The following CCSER1 variants were observed in gnomAD, a reference collection of about 807,000 sequenced individuals.
The protein encoded by CCSER1 is serine-rich coiled-coil domain-containing protein 1.
In CCSER1, 41 loss-of-function variants were observed where a neutral mutation model predicts 82.0. The observed-to-expected ratio is 0.50, with a 90% confidence interval of 0.39 to 0.65. The LOEUF is 0.65. CCSER1 is among the 30% of genes least tolerant of loss of function. The pLI, the probability that CCSER1 is intolerant of heterozygous loss-of-function variation, is 0.00. For synonymous variants in CCSER1, 414 were observed against 383.9 expected, an observed-to-expected ratio of 1.08 and a Z score of -0.92; for missense variants, 1,119 against 1,064.2, an observed-to-expected ratio of 1.05 and a Z score of -0.72.
chr4:90,543,843 T>C (rs1361253084), intron 5 of CCSER1, among the ~76,000 whole-genome samples: 2 of 152,118 alleles, frequency 1.3e-5, no homozygotes, highest in African/African-American at 4.8e-5. Context: ...GAAGACATGG[T>C]GAATAATTGG....
chr4:90,926,094 T>C (rs926120123), intron 9 of CCSER1, among the ~76,000 whole-genome samples: 1 of 152,052 alleles, frequency 6.6e-6, no homozygotes, highest in Non-Finnish European at 1.5e-5. Flanking sequence ...CAATATTTAT[T>C]TGTAAATATT....
At chr4:90,764,411 G>A (rs760966480) in intron 7 of CCSER1, among the ~76,000 whole-genome samples, 15 of 151,992 alleles carry the variant, frequency 9.9e-5, no homozygotes, top group East Asian at 5.8e-4. Flanking sequence ...TATAAACATC[G>A]TCTTCAATAA....
intron 10 of CCSER1, among the ~76,000 whole-genome samples, chr4:91,202,057 T>C (rs560126776): frequency 2.0e-5 from 3 of 152,106 alleles, no homozygotes; most frequent in Admixed American, 1.3e-4. Flanking sequence ...TTAGCACTTT[T>C]TTGTCTCATA....
At chr4:91,209,202 A>C (rs190262491) in intron 10 of CCSER1, among the ~76,000 whole-genome samples, 86 of 151,834 alleles carry the variant, frequency 5.7e-4, no homozygotes, top group Non-Finnish European at 1.1e-3. Flanking sequence ...GGTGCCTTTT[A>C]TTTCTTTCAT....
rs143222002 is a variant in CCSER1, at chr4:90,787,294, A to G, written c.2011-28468A>G. On this transcript the variant is annotated intron_variant, in intron 7 of 10. Transcript: ENST00000509176. ...GAAAGGAGAGAGATTCTGTTTCCTG[A>G]GGCCTTTCCCTGAGATCTAATGCAC... 1.6e-3 allele frequency among the ~76,000 whole-genome samples: 243 copies of G among 152,310 alleles called. 1 individual carries two copies. Among genetic ancestry groups the G allele is most frequent in the African/African-American group, 5.7e-3 (236 of 41,572 alleles).
At chr4:90,231,747 T>A (rs925315203) in intron 1 of CCSER1, among the ~76,000 whole-genome samples, 2 of 152,158 alleles carry the variant, frequency 1.3e-5, no homozygotes, top group Non-Finnish European at 2.9e-5. Context: ...CAAAATCTCC[T>A]TAAGCTGCTA....
At chr4:91,079,765 C>A (rs189103218) in intron 9 of CCSER1, among the ~76,000 whole-genome samples, 15 of 152,024 alleles carry the variant, frequency 9.9e-5, no homozygotes, top group Admixed American at 7.9e-4. Flanking sequence ...CAGGGGTTGC[C>A]GTCCTAGTCT....
At chr4:91,032,877 G>C (rs1741105277) in intron 9 of CCSER1, among the ~76,000 whole-genome samples, 1 of 152,184 alleles carries the variant, frequency 6.6e-6, no homozygotes, top group African/African-American at 2.4e-5. Flanking sequence ...GATGATGCCA[G>C]TGTAGGTAGC....
intron 1 of CCSER1, among the ~76,000 whole-genome samples, chr4:90,180,386 C>T (rs747507361): frequency 1.3e-5 from 2 of 151,854 alleles, no homozygotes; most frequent in East Asian, 1.9e-4. Flanking sequence ...GTCAGGAGTT[C>T]GAGACCAGAC....
chr4:90,551,706 C>CTCTATATA, intron 5 of CCSER1, among the ~76,000 whole-genome samples: 1,390 of 104,166 alleles, frequency 0.013, 12 homozygotes, highest in South Asian at 0.031. Flanking sequence ...CTCTCTCTCT[C>CTCTATATA]TATATATATA....
intron 7 of CCSER1, among the ~76,000 whole-genome samples, chr4:90,749,320 T>C (rs897403378): frequency 2.0e-5 from 3 of 151,792 alleles, no homozygotes; most frequent in African/African-American, 7.3e-5. Flanking sequence ...CTTGTTTTTC[T>C]CAGGTTTGTC....
chr4:90,365,570 G>A (rs1746144432), intron 3 of CCSER1, among the ~76,000 whole-genome samples: 1 of 151,688 alleles, frequency 6.6e-6, no homozygotes, highest in Non-Finnish European at 1.5e-5. Flanking sequence ...CTGCTTTGTA[G>A]GCTCCTATTT....
intron 9 of CCSER1, among the ~76,000 whole-genome samples, chr4:91,014,701 A>G (rs1581338592): frequency 6.6e-6 from 1 of 152,354 alleles, no homozygotes; most frequent in East Asian, 1.9e-4. Flanking sequence ...CAAAAATATT[A>G]ATAGAAATCT....
chr4:91,186,560 A>G (rs571236954), intron 10 of CCSER1, among the ~76,000 whole-genome samples: 1 of 152,296 alleles, frequency 6.6e-6, no homozygotes, highest in Admixed American at 6.5e-5. Context: ...GCGGCGCTAG[A>G]GGAATTAAAG....
intron 5 of CCSER1, among the ~76,000 whole-genome samples, chr4:90,564,098 T>C (rs925312069): frequency 1.3e-5 from 2 of 152,306 alleles, no homozygotes; most frequent in African/African-American, 4.8e-5. Flanking sequence ...AAATATCTAA[T>C]CATGTATTTT....
At chr4:91,196,291 T>G (rs569941366) in intron 10 of CCSER1, among the ~76,000 whole-genome samples, 3 of 152,282 alleles carry the variant, frequency 2.0e-5, no homozygotes, top group African/African-American at 7.2e-5. Flanking sequence ...ATGTTCCAAT[T>G]TTCTAAATTC....
At chr4:90,408,479 A>G (rs545936012) in intron 4 of CCSER1, among the ~76,000 whole-genome samples, 1 of 152,298 alleles carries the variant, frequency 6.6e-6, no homozygotes, top group Admixed American at 6.5e-5. Flanking sequence ...GTTCACCAAT[A>G]TCCACTGTTC....
intron 10 of CCSER1, among the ~76,000 whole-genome samples, chr4:91,287,670 T>C (rs577300858): frequency 1.9e-3 from 285 of 152,044 alleles, no homozygotes; most frequent in African/African-American, 6.6e-3. Context: ...CACATGTAAG[T>C]GCACATATGT....
rs912408949 is a variant in CCSER1, at chr4:91,266,487, G to A, written c.2217+180493G>A. Among the ~76,000 whole-genome samples the A allele has an allele frequency of 2.6e-5, 4 of 151,972 alleles. No homozygotes were observed. In the East Asian group the frequency reaches 5.8e-4, roughly 22 times the overall value. On this transcript the variant is annotated intron_variant, in intron 10 of 10. Coordinates refer to ENST00000509176, the MANE Select transcript of CCSER1 (RefSeq NM_001145065.2). ...AGGATGGTCTCGATCTCCTGATGTC[G>A]TGATCTGCCCACCTCGGCCTCCCAA...
Sources: gnomAD v4.1 joint callset for allele counts (sites outside exome capture counted in the v4.1 genomes callset) on GRCh38, gnomAD v4.1.1 for gene constraint, MANE v1.5 for transcripts, NCBI Gene and HGNC (gene_info 2026-07-23, HGNC 2026-07-21) for gene names.